REV3L: variants seen among roughly 807,000 people sequenced by gnomAD.
REV3L encodes DNA polymerase zeta catalytic subunit.
REV3L carries 69 observed loss-of-function variants against 299.4 expected under a neutral mutation model. The observed-to-expected ratio is 0.23, with a 90% CI of 0.19 to 0.28. The LOEUF (loss-of-function observed/expected upper bound fraction) is 0.28. REV3L is among the 10% of genes least tolerant of loss of function. The pLI is 1.00. For missense variants in REV3L, 3,128 were observed against 3,693.8 expected (o/e 0.85, Z 3.97); for synonymous variants, 1,238 against 1,271.4 (o/e 0.97, Z 0.56).
chr6:111,455,963 T>TA (rs766474832), intron 1 of REV3L, among the ~76,000 whole-genome samples: 3 of 152,218 alleles, frequency 2.0e-5, no homozygotes, highest in Non-Finnish European at 4.4e-5. Flanking sequence ...AAACCTCGTA[T>TA]ATGGCACTTG....
At chr6:111,363,159 A>G (rs1355142049) in intron 16 of REV3L, among the ~76,000 whole-genome samples, 1 of 152,258 alleles carries the variant, frequency 6.6e-6, no homozygotes. Context: ...AGTAGAGAGT[A>G]TATGAGTGAA....
chr6:111,317,805 TAAATAAA>T (rs1773695837), intron 26 of REV3L, among the ~76,000 whole-genome samples: 2 of 152,264 alleles, frequency 1.3e-5, no homozygotes, highest in East Asian at 3.9e-4. Flanking sequence ...TCTAAGTAAA[TAAATAAA>T]AATTTTATAT....
At chr6:111,422,727 T>G (rs1335362642) in intron 1 of REV3L, among the ~76,000 whole-genome samples, 1 of 142,838 alleles carries the variant, frequency 7.0e-6, no homozygotes, top group Admixed American at 7.1e-5. Context: ...ATACAACTTG[T>G]GTAAACAAAA....
Position 111,311,250 on chromosome 6 carries a change from G to A in REV3L, c.8614C>T (p.Arg2872Cys), listed in dbSNP as rs760724604. 29 of 1,596,784 alleles carry A rather than the reference G, an allele frequency of 1.8e-5. No individual in the cohort carries two copies. The highest frequency in any genetic ancestry group is 2.3e-5 in the Non-Finnish European group (27 of 1,171,886). ...SCPAVSKILE[R>C]SLKLLFETRD... The stretch of plus-strand genomic sequence containing the variant: ...GTTTCAAATAGCAGCTTTAGAGAAC[G>A]CTCAAGTATCTTAAAACAAAAAAGA... The change falls in exon 29 of 32, where the codon CGT (arginine) becomes TGT (cysteine). Residue 2872 changes from arginine (R) to cysteine (C), a missense_variant. Around this residue, in one of 9 missense-constraint regions of REV3L, gnomAD observed 294 missense variants for 377.0 expected, o/e 0.78. Transcript: ENST00000368802.
At chr6:111,357,869 T>G (rs1778257672) in intron 17 of REV3L, among the ~76,000 whole-genome samples, 1 of 152,146 alleles carries the variant, frequency 6.6e-6, no homozygotes. Flanking sequence ...TTTGTAGTGC[T>G]GGCCTATTTC....
chr6:111,350,397 T>G (rs969134497), intron 19 of REV3L, among the ~76,000 whole-genome samples: 1 of 151,982 alleles, frequency 6.6e-6, no homozygotes, highest in South Asian at 2.1e-4. Context: ...AATAACCCTA[T>G]GAAATAAGTT....
At chr6:111,438,680 T>A (rs999771059) in intron 1 of REV3L, among the ~76,000 whole-genome samples, 1 of 152,218 alleles carries the variant, frequency 6.6e-6, no homozygotes, top group African/African-American at 2.4e-5. Context: ...CGATATCCTA[T>A]AACTTTCATA....
chr6:111,344,534 CCACT>C (rs1172062519), intron 20 of REV3L, among the ~76,000 whole-genome samples: 2 of 152,110 alleles, frequency 1.3e-5, no homozygotes, highest in Non-Finnish European at 2.9e-5. Context: ...CATTATAGAG[CCACT>C]CAATTTCATT....
intron 26 of REV3L, among the ~76,000 whole-genome samples, chr6:111,322,351 A>G (rs886579223): frequency 2.0e-5 from 3 of 152,210 alleles, no homozygotes. Context: ...GAGGGAAGCC[A>G]TAGGTATCTT....
At chr6:111,400,282 T>G (rs1782954497) in intron 4 of REV3L, among the ~76,000 whole-genome samples, 2 of 152,168 alleles carry the variant, frequency 1.3e-5, no homozygotes, top group Non-Finnish European at 2.9e-5. Flanking sequence ...GCACTCTAAG[T>G]CTATGTTTAG....
intron 3 of REV3L, among the ~76,000 whole-genome samples, chr6:111,410,783 C>T (rs909031634): frequency 1.3e-5 from 2 of 152,118 alleles, no homozygotes; most frequent in Admixed American, 1.3e-4. Flanking sequence ...CTGTGTTTTA[C>T]AAAAAAGTTA....
At chr6:111,431,976 T>A (rs1401969473) in intron 1 of REV3L, among the ~76,000 whole-genome samples, 3 of 152,178 alleles carry the variant, frequency 2.0e-5, no homozygotes, top group African/African-American at 4.8e-5. Context: ...AGAGGGTTTT[T>A]AAAAAAAATT....
intron 7 of REV3L, 66 bp downstream of exon 7, chr6:111,389,040 A>C: frequency 8.3e-7 from 1 of 1,202,104 alleles, no homozygotes; most frequent in East Asian, 2.4e-5. Context: ...GGAACAACTC[A>C]ATGACAAACT....
At chr6:111,300,762 T>C (rs1771406737) in intron 31 of REV3L, among the ~76,000 whole-genome samples, 1 of 152,242 alleles carries the variant, frequency 6.6e-6, no homozygotes, top group Non-Finnish European at 1.5e-5. Flanking sequence ...CTGTCTTTAA[T>C]CTTTTAATTC....
At chr6:111,352,751 A>G (rs1446086891) in intron 18 of REV3L, among the ~76,000 whole-genome samples, 4 of 152,192 alleles carry the variant, frequency 2.6e-5, no homozygotes, top group Non-Finnish European at 5.9e-5. Flanking sequence ...AAACATCAGA[A>G]TCTAGAAGAA....
At chr6:111,335,325 A>G (rs1775798233) in intron 22 of REV3L, 144 bp downstream of exon 22, 1 of 934,190 alleles carries the variant, frequency 1.1e-6, no homozygotes, top group Admixed American at 3.0e-5. Context: ...GCATAGAAAG[A>G]GAATAAAATG....
At chr6:111,309,005 G>A (rs946920347) in intron 30 of REV3L, among the ~76,000 whole-genome samples, 3 of 152,180 alleles carry the variant, frequency 2.0e-5, no homozygotes, top group Non-Finnish European at 2.9e-5. Flanking sequence ...TCAGTGCCCC[G>A]CTGCTCAAAC....
In REV3L at chr6:111,385,656, AT is replaced by A. The variant is rs1002266426; in HGVS notation, c.1096+2108del. Reference sequence around the variant, plus strand: ...TTAAATGGGGGGAAAAGAAGTTAACATTTTTTTTTGAAGATTTTTATAAGAT... The same window carrying A: ...TTAAATGGGGGGAAAAGAAGTTAACATTTTTTTTGAAGATTTTTATAAGAT... On this transcript the variant is annotated intron_variant, in intron 9 of 31. Transcript: ENST00000368802. Among the ~76,000 whole-genome samples the A allele has an allele frequency of 6.0e-5, 9 of 151,228 alleles. No homozygotes were observed. In the East Asian group the frequency reaches 1.2e-3, roughly 19 times the overall value.
intron 1 of REV3L, among the ~76,000 whole-genome samples, chr6:111,426,134 G>A (rs1038471075): frequency 3.3e-5 from 5 of 152,180 alleles, no homozygotes; most frequent in Non-Finnish European, 5.9e-5. Context: ...TGTCTGAAGT[G>A]AGCAGTACTA....
Sources: gnomAD v4.1 joint callset for allele counts (sites outside exome capture counted in the v4.1 genomes callset) on GRCh38, gnomAD v4.1.1 for gene constraint, gnomAD v4.1.1 regional missense constraint, MANE v1.5 for transcripts, NCBI Gene and HGNC (gene_info 2026-07-23, HGNC 2026-07-21) for gene names.